The following UBQLNL variants were observed in gnomAD, a reference collection of about 807,000 sequenced individuals.
The protein encoded by UBQLNL is ubiquilin-like protein.
For synonymous variants in UBQLNL, 223 were observed against 209.7 expected, an observed-to-expected ratio of 1.06 and a Z score of -0.55; for missense variants, 589 against 567.1, an observed-to-expected ratio of 1.04 and a Z score of -0.39.
Position 5,514,736 on chromosome 11 carries a change from A to C in UBQLNL, c.*278T>G. ...CCATCTGTTTGCTAAAACAAATCTC[A>C]GGAGCTTGCAGAGGGTGGGAAGGGT... On this transcript the variant is annotated 3_prime_UTR_variant, in exon 1 of 1. Coordinates refer to ENST00000380184, the MANE Select transcript of UBQLNL (RefSeq NM_145053.5). The C allele has an allele frequency of 2.4e-6, 1 of 420,168 alleles. No homozygotes were observed. The highest frequency in any genetic ancestry group is 4.2e-6 in the Non-Finnish European group (1 of 235,560). The allele number at this position is 420,168 out of a possible 1,614,324, so 26.0% of individuals were successfully genotyped here. A position where few individuals can be genotyped will look rare whatever the true frequency, so the allele number is the denominator to read the frequency against.
chr11:5,514,907 G>A lies in UBQLNL; in HGVS notation c.*107C>T. On this transcript the variant is annotated 3_prime_UTR_variant, in exon 1 of 1. Transcript: ENST00000380184. ...AGCTGGGGGCAGGAAGCCAACCCAG[G>A]CCCCATAGGTAGGGTGCAACCCAAG... is the stretch of plus-strand genomic sequence containing the variant. The A allele has an allele frequency of 8.7e-7, 1 of 1,154,950 alleles. No homozygotes were observed. Among genetic ancestry groups the A allele is most frequent in the South Asian group, 1.5e-5 (1 of 67,468 alleles). 71.5% of individuals were successfully genotyped at this position (1,154,950 alleles called of 1,614,324 possible). A position where few individuals can be genotyped will look rare whatever the true frequency, so the allele number is the denominator to read the frequency against.
chr11:5,515,972 G>A lies in UBQLNL; in HGVS notation c.470C>T (p.Pro157Leu). 2 of 1,614,110 alleles carry A rather than the reference G, an allele frequency of 1.2e-6. No individual in the cohort carries two copies. Among genetic ancestry groups the A allele is most frequent in the Non-Finnish European group, 1.7e-6 (2 of 1,179,994 alleles). Residue 157 changes from proline (P) to leucine (L), a missense_variant, in exon 1 of 1, where the codon CCC (proline) becomes CTC (leucine). Physicochemically the swap from Pro to Leu is moderately conservative, Grantham distance 98 (BLOSUM62 -3). Transcript: ENST00000380184. ...ELAHFVGSDA[P>L]KVHTQNLEVS... ...TTCCAAGTTTTGGGTATGCACTTTGGGTGCATCAGACCCCACAAAGTGGGC... is the reference window on the plus strand; with the variant it reads ...TTCCAAGTTTTGGGTATGCACTTTGAGTGCATCAGACCCCACAAAGTGGGC...
Position 5,515,660 on chromosome 11 carries a change from T to C in UBQLNL, c.782A>G (p.Glu261Gly). ...GGCATTATTCCCACCTGGCATTGTC[T>C]CTAAGCCCAGATATGGCTGTGGGTT... ...PLNPQPYLGLETMPGGNNALG... is the reference protein window; with the variant it reads ...PLNPQPYLGLGTMPGGNNALG... The change falls in exon 1 of 1, where the codon GAG becomes GGG. Residue 261 changes from glutamate (E) to glycine (G), a missense_variant. Coordinates refer to ENST00000380184, the MANE Select transcript of UBQLNL (RefSeq NM_145053.5). 6.2e-7 allele frequency: 1 copy of C among 1,614,174 alleles called. No individual in the cohort carries two copies. Among genetic ancestry groups the C allele is most frequent in the Non-Finnish European group, 8.5e-7 (1 of 1,180,028 alleles).
rs772965803 is a variant in UBQLNL at position 5,515,722 on chromosome 11, C to A, written c.720G>T (p.Gln240His). 2.7e-5 allele frequency: 44 copies of A among 1,614,142 alleles called. No homozygotes were observed. The highest frequency in any genetic ancestry group is 3.6e-5 in the Non-Finnish European group (42 of 1,180,020). Residue 240 changes from glutamine to histidine, a missense_variant, in exon 1 of 1, where the codon CAG becomes CAT. Gln to His is a conservative substitution (Grantham distance 24, BLOSUM62 0). Transcript: ENST00000380184. ...RNLAMIQEIM[Q>H]IQQPSQNLEY... The stretch of plus-strand genomic sequence containing the variant: ...CAAGGTTTTGTGAAGGTTGTTGGAT[C>A]TGCATTATCTCTTGGATCATAGCAA...
In UBQLNL at chr11:5,516,042, T is replaced by C; in HGVS notation, c.400A>G (p.Arg134Gly). 1 of 1,614,148 alleles carries C rather than the reference T, an allele frequency of 6.2e-7. No individual in the cohort carries two copies. Among genetic ancestry groups the C allele is most frequent in the Non-Finnish European group, 8.5e-7 (1 of 1,179,996 alleles). The stretch of plus-strand genomic sequence containing the variant: ...TTCATACCAGTTGGTTGGTGCACTC[T>C]GCTGCTGTTTCCTTTGGTGTTTCTG... The part of the protein sequence containing the change: ...RDRNTKGNSS[R>G]VHQPTGMNQA... The change falls in exon 1 of 1, where the codon AGA becomes GGA. Residue 134 changes from arginine (R) to glycine (G), a missense_variant. Physicochemically the swap from Arg to Gly is moderately radical, Grantham distance 125 (BLOSUM62 -2). Transcript: ENST00000380184.
In UBQLNL at chr11:5,515,538, C is replaced by A; in HGVS notation, c.904G>T (p.Val302Leu). ...NPFTALLAGQ[V>L]LEQVQSSPPP... Reference sequence around the variant, plus strand: ...GGTGAAGACTGGACTTGTTCTAGCACTTGTCCTGCCAGGAGAGCTGTGAAA... The same window carrying A: ...GGTGAAGACTGGACTTGTTCTAGCAATTGTCCTGCCAGGAGAGCTGTGAAA... The change falls in exon 1 of 1, where the codon GTG becomes TTG. Residue 302 changes from valine (V) to leucine (L), a missense_variant. By Grantham distance (32) the Val-to-Leu change is conservative. Transcript: ENST00000380184. 6.2e-7 allele frequency: 1 copy of A among 1,614,100 alleles called. No homozygotes were observed. The highest frequency in any genetic ancestry group is 1.1e-5 in the South Asian group (1 of 91,064).
Position 5,516,086 on chromosome 11 carries a change from T to C in UBQLNL, c.356A>G (p.Asn119Ser). 6.2e-7 allele frequency: 1 copy of C among 1,614,044 alleles called. No individual in the cohort carries two copies. The highest frequency in any genetic ancestry group is 8.5e-7 in the Non-Finnish European group (1 of 1,179,958). ...GTTTCTGTCCCGGTGGCAGGGATCA[T>C]TCGTTGGCAGGTCCCGGAAGGAATG... ...LAHSFRDLPT[N>S]DPCHRDRNTK... Residue 119 changes from asparagine (N) to serine (S), a missense_variant, in exon 1 of 1, where the codon AAT (asparagine) becomes AGT (serine). Coordinates refer to ENST00000380184, the MANE Select transcript of UBQLNL (RefSeq NM_145053.5).
chr11:5,514,472 T>C lies in UBQLNL; in HGVS notation c.*542A>G, dbSNP rs1481897525. On this transcript the variant is annotated 3_prime_UTR_variant, in exon 1 of 1. Transcript: ENST00000380184. ...GATCTATTATTCAGTACAAGACACA[T>C]TGGTTGATAACTCTTATTCCAGGAC... The C allele has an allele frequency of 1.9e-5, 3 of 156,542 alleles. No homozygotes were observed. The highest frequency in any genetic ancestry group is 4.8e-5 in the African/African-American group (2 of 41,444). 9.7% of individuals were successfully genotyped at this position (156,542 alleles called of 1,614,324 possible). A position where few individuals can be genotyped will look rare whatever the true frequency, so the allele number is the denominator to read the frequency against.
rs748377157 is a variant in UBQLNL at position 5,516,225 on chromosome 11, C to T, written c.217G>A (p.Val73Ile). The change falls in exon 1 of 1, where the codon GTC becomes ATC. Residue 73 changes from valine (V) to isoleucine (I), a missense_variant. Physicochemically the swap from Val to Ile is conservative, Grantham distance 29 (BLOSUM62 3). Transcript: ENST00000380184. Reference sequence around the variant, plus strand: ...TCTTTGAGAAGGCAACCCATGAAGACCAGCACTAGTTGGTCCATCTGGCAT... The same window carrying T: ...TCTTTGAGAAGGCAACCCATGAAGATCAGCACTAGTTGGTCCATCTGGCAT... ...FQCQMDQLVL[V>I]FMGCLLKDHD... 1.9e-6 allele frequency: 3 copies of T among 1,614,104 alleles called. No homozygotes were observed. The South Asian group carries it at 3.3e-5, about 18-fold the overall frequency.
Position 5,515,630 on chromosome 11 carries a change from C to T in UBQLNL, c.812G>A (p.Gly271Asp). 6.2e-7 allele frequency: 1 copy of T among 1,614,080 alleles called. No individual in the cohort carries two copies. The highest frequency in any genetic ancestry group is 8.5e-7 in the Non-Finnish European group (1 of 1,180,004). The stretch of plus-strand genomic sequence containing the variant: ...ATCATTGATATCAGCATAGTTCTGA[C>T]CCAGGGCATTATTCCCACCTGGCAT... Reference protein sequence around the residue: ...ETMPGGNNALGQNYADINDQM... With the variant: ...ETMPGGNNALDQNYADINDQM... Residue 271 changes from glycine to aspartate, a missense_variant, in exon 1 of 1, where the codon GGT (glycine) becomes GAT (aspartate). Physicochemically the swap from Gly to Asp is moderately conservative, Grantham distance 94. Coordinates refer to ENST00000380184, the MANE Select transcript of UBQLNL (RefSeq NM_145053.5).
In UBQLNL at chr11:5,515,534, A is replaced by C. The variant is rs201997389; in HGVS notation, c.908T>G (p.Leu303Arg). The change falls in exon 1 of 1, where the codon CTA becomes CGA. Residue 303 changes from leucine (L) to arginine (R), a missense_variant. Transcript: ENST00000380184. The stretch of plus-strand genomic sequence containing the variant: ...TGGGGGTGAAGACTGGACTTGTTCT[A>C]GCACTTGTCCTGCCAGGAGAGCTGT... Reference protein sequence around the residue: ...PFTALLAGQVLEQVQSSPPPP... With the variant: ...PFTALLAGQVREQVQSSPPPP... The C allele has an allele frequency of 9.3e-6, 15 of 1,613,996 alleles. No individual in the cohort carries two copies. The highest frequency in any genetic ancestry group is 1.3e-5 in the Non-Finnish European group (15 of 1,180,022).
At position 5,515,986 on chromosome 11, in the gene UBQLNL, C is replaced by A. The variant is rs1447385578; in HGVS notation, c.456G>T (p.Val152=). The part of the protein sequence containing the change: ...NQAPVELAHF[V]GSDAPKVHTQ... Reference sequence around the variant, plus strand: ...TATGCACTTTGGGTGCATCAGACCCCACAAAGTGGGCCAGTTCCACTGGAG... The same window carrying A: ...TATGCACTTTGGGTGCATCAGACCCAACAAAGTGGGCCAGTTCCACTGGAG... The change falls in exon 1 of 1, where the codon GTG becomes GTT. Residue 152 remains valine, a synonymous_variant. Transcript: ENST00000380184. The A allele has an allele frequency of 6.2e-7, 1 of 1,614,114 alleles. No homozygotes were observed. The highest frequency in any genetic ancestry group is 8.5e-7 in the Non-Finnish European group (1 of 1,180,022).
rs558913613 is a variant in UBQLNL at position 5,515,283 on chromosome 11, C to A, written c.1129G>T (p.Glu377Ter). ...TCTTCTTGAAGCTGCTGGGTAAGCT[C>A]TATGCTAGGTAAGGCTGGTATCCAA... is the stretch of plus-strand genomic sequence containing the variant. Residue 377 changes from glutamate (E) to a stop codon, truncating the protein, a stop_gained, in exon 2 of 2, where the codon GAG (glutamate) becomes TAG (stop). Transcript: ENST00000673910. LOFTEE classifies it low-confidence loss of function (END_TRUNC). 1.9e-6 allele frequency: 3 copies of A among 1,614,080 alleles called. No individual in the cohort carries two copies. The African/African-American group carries it at 4.0e-5, about 22-fold the overall frequency.
Position 5,516,427 on chromosome 11 carries a change from G to C in UBQLNL, c.15C>G (p.Ile5Met). MWHA[I>M]SRTSRMSQSG... ...TCTGGGACATCCTGGATGTTCGAGA[G>C]ATGGCATGCCACATGGGCTTTAGTG... is the stretch of plus-strand genomic sequence containing the variant. Residue 5 changes from isoleucine (I) to methionine (M), a missense_variant, in exon 1 of 1, where the codon ATC becomes ATG. By Grantham distance (10) the Ile-to-Met change is conservative. Transcript: ENST00000380184. The C allele has an allele frequency of 6.2e-7, 1 of 1,613,666 alleles. No individual in the cohort carries two copies. Among genetic ancestry groups the C allele is most frequent in the Non-Finnish European group, 8.5e-7 (1 of 1,179,604 alleles).
Position 5,516,148 on chromosome 11 carries a change from C to T in UBQLNL, c.294G>A (p.Leu98=), listed in dbSNP as rs144965230. 1.3e-4 allele frequency: 216 copies of T among 1,614,120 alleles called. 1 individual carries two copies. In the African/African-American group the frequency reaches 2.3e-3, roughly 17 times the overall value. The change falls in exon 1 of 1, where the codon TTG becomes TTA. Residue 98 remains leucine, a synonymous_variant. Coordinates refer to ENST00000380184, the MANE Select transcript of UBQLNL (RefSeq NM_145053.5). ...RGIMDGHTIY[L]VIKSKQGSRS... The stretch of plus-strand genomic sequence containing the variant: ...TGGAGCCCTGCTTGGACTTGATGAC[C>T]AAGTAGATGGTGTGGCCATCCATGA...
At position 5,515,250 on chromosome 11, in the gene UBQLNL, C is replaced by A. The variant is rs753157603; in HGVS notation, c.1192G>T (p.Asp398Tyr). 1.2e-6 allele frequency: 2 copies of A among 1,614,214 alleles called. No homozygotes were observed. The highest frequency in any genetic ancestry group is 1.7e-6 in the Non-Finnish European group (2 of 1,180,044). The change falls in exon 1 of 1, where the codon GAT (aspartate) becomes TAT (tyrosine). Residue 398 changes from aspartate to tyrosine, a missense_variant. Physicochemically the swap from Asp to Tyr is radical, Grantham distance 160. Coordinates refer to ENST00000380184, the MANE Select transcript of UBQLNL (RefSeq NM_145053.5). ...GAGCTACTTAGAGAAACAGTGGCATCCTTGTATTCTTCTTGAAGCTGCTGG... is the reference window on the plus strand; with the variant it reads ...GAGCTACTTAGAGAAACAGTGGCATACTTGTATTCTTCTTGAAGCTGCTGG... ...LTQQLQEEYK[D>Y]ATVSLSSSRQ... is the part of the protein sequence containing the mutation.
chr11:5,516,589 AC>A lies in UBQLNL; in HGVS notation c.-149del. On this transcript the variant is annotated 5_prime_UTR_variant, in exon 1 of 1. Transcript: ENST00000380184. ...CTTGTTGCCCTAAAAGGGATGAGTG[AC>A]CAGACTGGGGCCAGATATTTTGTGA... 1.4e-6 allele frequency: 1 copy of A among 689,784 alleles called. No homozygotes were observed. Among genetic ancestry groups the A allele is most frequent in the Non-Finnish European group, 2.5e-6 (1 of 404,312 alleles). The allele number at this position is 689,784 out of a possible 1,614,324, so 42.7% of individuals were successfully genotyped here.
In UBQLNL at chr11:5,515,364, T is replaced by G. The variant is rs1162963591; in HGVS notation, c.1078A>C (p.Thr360Pro). The G allele has an allele frequency of 1.2e-6, 2 of 1,613,886 alleles. No homozygotes were observed. ...TGGCCCTTGGTGGAAATCATAGCAG[T>G]GTTGGCTTTGGAAGTGTGGTTGACC... is the stretch of plus-strand genomic sequence containing the variant. ...NKVNHTSKAN[T>P]AMISTKGQSH... The change falls in exon 1 of 1, where the codon ACT becomes CCT. Residue 360 changes from threonine (T) to proline (P), a missense_variant. Thr to Pro is a conservative substitution (Grantham distance 38, BLOSUM62 -1). Transcript: ENST00000380184.
In UBQLNL at chr11:5,515,276, G is replaced by C; in HGVS notation, c.1166C>G (p.Thr389Ser). ...WIPALPSIEL[T>S]QQLQEEYKDA... ...CTTGTATTCTTCTTGAAGCTGCTGG[G>C]TAAGCTCTATGCTAGGTAAGGCTGG... The change falls in exon 1 of 1, where the codon ACC becomes AGC. Residue 389 changes from threonine to serine, a missense_variant. Physicochemically the swap from Thr to Ser is moderately conservative, Grantham distance 58. Coordinates refer to ENST00000380184, the MANE Select transcript of UBQLNL (RefSeq NM_145053.5). 6.2e-7 allele frequency: 1 copy of C among 1,614,236 alleles called. No individual in the cohort carries two copies. The highest frequency in any genetic ancestry group is 8.5e-7 in the Non-Finnish European group (1 of 1,180,048).
Sources: allele counts gnomAD v4.1 joint callset, GRCh38; gene constraint gnomAD v4.1.1; transcripts MANE v1.5; gene names NCBI Gene and HGNC (gene_info 2026-07-23, HGNC 2026-07-21).